PRIM2: variants seen among roughly 807,000 people sequenced by gnomAD.
PRIM2 encodes DNA primase subunit 2.
Under a neutral mutation model 67.3 loss-of-function variants are expected in PRIM2, and 39 were observed. That is an observed-to-expected ratio of 0.58 (90% confidence interval 0.45 to 0.76). PRIM2 has a LOEUF of 0.76. Ranked by LOEUF, PRIM2 falls within the 30% of genes least tolerant of loss-of-function variation. The pLI, the probability that PRIM2 is intolerant of heterozygous loss-of-function variation, is 0.00. For missense variants in PRIM2, 398 were observed against 598.7 expected, an observed-to-expected ratio of 0.66 and a Z score of 3.50; for synonymous variants, 143 against 198.7, an observed-to-expected ratio of 0.72 and a Z score of 2.36.
intron 12 of PRIM2, among the ~76,000 whole-genome samples, chr6:57,631,173 A>C (rs1391974124): frequency 6.6e-6 from 1 of 152,170 alleles, no homozygotes; most frequent in Non-Finnish European, 1.5e-5. Flanking sequence ...TTCAATAATG[A>C]GGATAGCAAG....
chr6:57,477,319 A>G (rs1430877340), intron 7 of PRIM2, among the ~76,000 whole-genome samples: 1 of 152,198 alleles, frequency 6.6e-6, no homozygotes, highest in Admixed American at 6.5e-5. Flanking sequence ...TTGAATTCCT[A>G]GTTTTTGAAA....
chr6:57,504,460 A>G (rs1335569092), intron 7 of PRIM2, among the ~76,000 whole-genome samples: 1 of 152,214 alleles, frequency 6.6e-6, no homozygotes, highest in Non-Finnish European at 1.5e-5. Flanking sequence ...TGGAAACTGT[A>G]TTGGTTAATT....
chr6:57,505,852 G>A (rs1168621665), intron 7 of PRIM2, among the ~76,000 whole-genome samples: 2 of 152,020 alleles, frequency 1.3e-5, no homozygotes, highest in Non-Finnish European at 2.9e-5. Flanking sequence ...ATTGACAGAA[G>A]TGACTGAAAA....
intron 7 of PRIM2, among the ~76,000 whole-genome samples, chr6:57,423,118 C>G (rs942024040): frequency 2.6e-5 from 4 of 152,034 alleles, no homozygotes; most frequent in African/African-American, 9.7e-5. Flanking sequence ...TGCTTTTTTT[C>G]ACTTTGCAGT....
rs201222793 is a variant in PRIM2 at position 57,434,787 on chromosome 6, TC to T, written c.693+52620del. Reference sequence around the variant, plus strand: ...CTCTCTCTCTTTTTTACTTTTCTTTTCTTTTTTTTCTTGCGACAGGGCCTTG... The same window carrying T: ...CTCTCTCTCTTTTTTACTTTTCTTTTTTTTTTTTCTTGCGACAGGGCCTTG... On this transcript the variant is annotated intron_variant, in intron 7 of 13. Transcript: ENST00000615550. Among the ~76,000 whole-genome samples the T allele has an allele frequency of 1.2e-3, 188 of 151,722 alleles. 5 individuals are homozygous for T. In the East Asian group the frequency reaches 0.016, roughly 13 times the overall value.
intron 7 of PRIM2, among the ~76,000 whole-genome samples, chr6:57,433,296 A>G (rs1459009819): frequency 6.6e-6 from 1 of 152,076 alleles, no homozygotes; most frequent in Non-Finnish European, 1.5e-5. Flanking sequence ...TGTGCAGGTT[A>G]GTTACATATG....
the PRIM2 span, among the ~76,000 whole-genome samples, chr6:57,305,362 GA>G: frequency 6.6e-6 from 1 of 152,230 alleles, no homozygotes; most frequent in Non-Finnish European, 1.5e-5. Context: ...CAGTTCAGCC[GA>G]CAGCTTTGGA....
the PRIM2 span, among the ~76,000 whole-genome samples, chr6:57,291,165 G>T: frequency 6.6e-6 from 1 of 152,030 alleles, no homozygotes; most frequent in Non-Finnish European, 1.5e-5. Flanking sequence ...TGATAAAGGG[G>T]TTATCACCAC....
intron 7 of PRIM2, among the ~76,000 whole-genome samples, chr6:57,392,889 C>G (rs76711262): frequency 6.7e-6 from 1 of 148,958 alleles, no homozygotes; most frequent in Non-Finnish European, 1.5e-5. Flanking sequence ...TGAGAACTTA[C>G]GACGTTTGGT....
At chr6:57,274,119 C>A in the PRIM2 span, among the ~76,000 whole-genome samples, 252 of 152,354 alleles carry the variant, frequency 1.7e-3, no homozygotes, top group African/African-American at 5.8e-3. Context: ...AGATCTCCAG[C>A]TGCATGCTGG....
At chr6:57,497,262 T>C (rs1423426270) in intron 7 of PRIM2, among the ~76,000 whole-genome samples, 1 of 152,164 alleles carries the variant, frequency 6.6e-6, no homozygotes, top group African/African-American at 2.4e-5. Context: ...CTGAACAGTT[T>C]GAGAGGCCTT....
At chr6:57,223,469 A>C in the PRIM2 span, among the ~76,000 whole-genome samples, 1 of 152,220 alleles carries the variant, frequency 6.6e-6, no homozygotes, top group Non-Finnish European at 1.5e-5. Context: ...ATTATAATTC[A>C]CACTTAATAA....
chr6:57,323,866 G>A (rs1767744870), intron 3 of PRIM2, among the ~76,000 whole-genome samples: 1 of 152,080 alleles, frequency 6.6e-6, no homozygotes, highest in Non-Finnish European at 1.5e-5. Context: ...TAGAGTAGGA[G>A]TCTTGAAACC....
intron 7 of PRIM2, among the ~76,000 whole-genome samples, chr6:57,481,341 A>G (rs1441651119): frequency 1.3e-5 from 2 of 152,138 alleles, no homozygotes; most frequent in Non-Finnish European, 2.9e-5. Flanking sequence ...ATGTATATAT[A>G]GACTCATACA....
chr6:57,494,850 TA>T (rs1773970432), intron 7 of PRIM2, among the ~76,000 whole-genome samples: 1 of 152,248 alleles, frequency 6.6e-6, no homozygotes, highest in Admixed American at 6.5e-5. Flanking sequence ...AAATGCATCC[TA>T]TGTAATGTTG....
intron 7 of PRIM2, among the ~76,000 whole-genome samples, chr6:57,432,737 C>T (rs1771877265): frequency 6.6e-6 from 1 of 152,142 alleles, no homozygotes; most frequent in Admixed American, 6.5e-5. Context: ...TAAAAAAATT[C>T]CTGTAGAACA....
chr6:57,541,799 A>G (rs1216014774), intron 10 of PRIM2, among the ~76,000 whole-genome samples: 1 of 152,102 alleles, frequency 6.6e-6, no homozygotes, highest in Non-Finnish European at 1.5e-5. Context: ...TAGGCTTTCA[A>G]CTGATTGGTT....
chr6:57,544,754 G>A (rs1447009198), intron 10 of PRIM2, among the ~76,000 whole-genome samples: 2 of 152,060 alleles, frequency 1.3e-5, no homozygotes, highest in African/African-American at 4.8e-5. Context: ...ATAAAAGCAG[G>A]TATCTTGTCT....
the PRIM2 span, among the ~76,000 whole-genome samples, chr6:57,292,361 GGAA>G: frequency 6.6e-6 from 1 of 152,098 alleles, no homozygotes; most frequent in Non-Finnish European, 1.5e-5. Context: ...ACAAACAAAT[GGAA>G]GAACATTCCA....
Sources: allele counts gnomAD v4.1 joint callset (sites outside exome capture counted in the v4.1 genomes callset), GRCh38; gene constraint gnomAD v4.1.1; transcripts MANE v1.5; gene names NCBI Gene and HGNC (gene_info 2026-07-23, HGNC 2026-07-21).